Variants in SCFD2 observed in about 807,000 individuals in gnomAD.
SCFD2 encodes sec1 family domain containing 2, also known as sec1 family domain-containing protein 2.
In SCFD2, 54 loss-of-function variants were observed where a neutral mutation model predicts 58.9. The observed-to-expected ratio is 0.92, with a 90% confidence interval of 0.74 to 1.15. SCFD2 has a LOEUF of 1.15. Among genes scored for constraint, SCFD2 ranks in the 50% most tolerant of loss-of-function variants. The pLI is 0.00. For synonymous variants in SCFD2, 321 were observed against 335.9 expected (o/e 0.96, Z 0.49); for missense variants, 805 against 836.6 (o/e 0.96, Z 0.47).
intron 4 of SCFD2, among the ~76,000 whole-genome samples, chr4:53,185,552 A>C (rs1727711647): frequency 1.3e-5 from 2 of 152,110 alleles, no homozygotes; most frequent in African/African-American, 4.8e-5. Flanking sequence ...ACCAGCAACC[A>C]AGAGAAACCT....
At chr4:53,217,641 C>T (rs1728894097) in intron 4 of SCFD2, among the ~76,000 whole-genome samples, 1 of 152,184 alleles carries the variant, frequency 6.6e-6, no homozygotes, top group Non-Finnish European at 1.5e-5. Context: ...AGCCCATTTA[C>T]ATTTAAGGTT....
intron 5 of SCFD2, among the ~76,000 whole-genome samples, chr4:52,977,252 G>A (rs566172188): frequency 3.3e-5 from 5 of 152,242 alleles, no homozygotes; most frequent in Non-Finnish European, 5.9e-5. Context: ...GAATCATTAA[G>A]GTTCTGAAGA....
chr4:53,026,947 A>G (rs1188241302), intron 5 of SCFD2, among the ~76,000 whole-genome samples: 1 of 152,234 alleles, frequency 6.6e-6, no homozygotes, highest in Non-Finnish European at 1.5e-5. Flanking sequence ...CTCTGGCCAA[A>G]TGATATGTGT....
At chr4:53,337,543 C>T (rs1047601558) in intron 2 of SCFD2, among the ~76,000 whole-genome samples, 3 of 152,122 alleles carry the variant, frequency 2.0e-5, no homozygotes, top group Non-Finnish European at 2.9e-5. Context: ...TGTATCAACC[C>T]ATTTCTACTT....
intron 2 of SCFD2, among the ~76,000 whole-genome samples, chr4:53,327,954 C>A (rs1282508121): frequency 6.6e-6 from 1 of 152,000 alleles, no homozygotes; most frequent in African/African-American, 2.4e-5. Context: ...CACAGTGAAA[C>A]CCTGTCTCTA....
chr4:52,883,842 T>C (rs1428410790), intron 8 of SCFD2, among the ~76,000 whole-genome samples: 1 of 152,200 alleles, frequency 6.6e-6, no homozygotes, highest in Non-Finnish European at 1.5e-5. Flanking sequence ...TCATCAGCTA[T>C]GACCATAACA....
Position 53,185,313 on chromosome 4 carries a change from T to C in SCFD2, c.1312-39731A>G, listed in dbSNP as rs1191320699. On this transcript the variant is annotated intron_variant, in intron 4 of 8. Transcript: ENST00000401642. The stretch of plus-strand genomic sequence containing the variant: ...ATACTTGGCACCAGGAAACCAAGAA[T>C]GGCACCCTTGAAAATGCTGCTCTGA... Among the ~76,000 whole-genome samples, 4 of 152,236 alleles carry C rather than the reference T, an allele frequency of 2.6e-5. No individual in the cohort carries two copies. In the East Asian group the frequency reaches 5.8e-4, roughly 22 times the overall value.
intron 8 of SCFD2, among the ~76,000 whole-genome samples, chr4:52,879,457 G>A (rs146806736): frequency 6.6e-6 from 1 of 152,324 alleles, no homozygotes; most frequent in Non-Finnish European, 1.5e-5. Context: ...TTCTATCAAG[G>A]AATGTTTGAA....
At chr4:52,973,889 A>G (rs1721178944) in intron 5 of SCFD2, among the ~76,000 whole-genome samples, 2 of 152,348 alleles carry the variant, frequency 1.3e-5, no homozygotes, top group South Asian at 2.1e-4. Context: ...AATGTAATCC[A>G]GCATATAAAC....
intron 5 of SCFD2, among the ~76,000 whole-genome samples, chr4:52,982,790 A>C (rs1053267547): frequency 6.6e-6 from 1 of 152,216 alleles, no homozygotes; most frequent in African/African-American, 2.4e-5. Context: ...ATTACTCAGC[A>C]GACCTTTAAG....
At chr4:53,271,185 C>A (rs4864454) in intron 4 of SCFD2, among the ~76,000 whole-genome samples, 2 of 151,852 alleles carry the variant, frequency 1.3e-5, no homozygotes, top group Non-Finnish European at 2.9e-5. Flanking sequence ...CAGCCTTGAG[C>A]CTTACCTGCT....
intron 5 of SCFD2, among the ~76,000 whole-genome samples, chr4:53,138,763 G>A (rs1726016891): frequency 6.6e-6 from 1 of 152,178 alleles, no homozygotes; most frequent in Non-Finnish European, 1.5e-5. Flanking sequence ...TCAGAGATTT[G>A]TATTGCCTTT....
At position 52,971,218 on chromosome 4, in the gene SCFD2, C is replaced by T. The variant is rs188471134; in HGVS notation, c.1562-50348G>A. 6.9e-4 allele frequency among the ~76,000 whole-genome samples: 105 copies of T among 152,152 alleles called. 1 individual carries two copies. Among genetic ancestry groups the T allele is most frequent in the Admixed American group, 5.3e-3 (81 of 15,296 alleles). On this transcript the variant is annotated intron_variant, in intron 5 of 8. Coordinates refer to ENST00000401642, the MANE Select transcript of SCFD2 (RefSeq NM_152540.4). ...AAGGCTTCACAAGATCAAACTACTC[C>T]GAGCAAAAGGAGGAAGTTTGAACCC... is the stretch of plus-strand genomic sequence containing the variant.
At chr4:53,211,592 C>G (rs543040818) in intron 4 of SCFD2, among the ~76,000 whole-genome samples, 1 of 152,126 alleles carries the variant, frequency 6.6e-6, no homozygotes, top group East Asian at 1.9e-4. Flanking sequence ...GAGCCCTCAA[C>G]CTGTGGGATC....
intron 5 of SCFD2, among the ~76,000 whole-genome samples, chr4:52,972,465 C>T (rs951459678): frequency 2.0e-5 from 3 of 152,082 alleles, no homozygotes; most frequent in Admixed American, 1.3e-4. Flanking sequence ...AAGAAGAGCT[C>T]ACTATCCTAA....
intron 4 of SCFD2, among the ~76,000 whole-genome samples, chr4:53,238,564 TG>T (rs1729767253): frequency 7.1e-6 from 1 of 140,272 alleles, no homozygotes; most frequent in African/African-American, 2.7e-5. Context: ...ACTTCCCAGA[TG>T]GGGCGGCTGC....
chr4:53,126,357 C>T (rs1474094751), intron 5 of SCFD2, among the ~76,000 whole-genome samples: 1 of 152,198 alleles, frequency 6.6e-6, no homozygotes, highest in Non-Finnish European at 1.5e-5. Context: ...CAGAGTCTTG[C>T]TCTCTGGAAG....
chr4:52,955,219 G>A (rs1314362840), intron 5 of SCFD2, among the ~76,000 whole-genome samples: 1 of 152,158 alleles, frequency 6.6e-6, no homozygotes, highest in African/African-American at 2.4e-5. Flanking sequence ...AGGGCAGTGG[G>A]TTTTCAGAAC....
At chr4:53,165,496 G>A (rs553242068) in intron 4 of SCFD2, among the ~76,000 whole-genome samples, 1 of 151,966 alleles carries the variant, frequency 6.6e-6, no homozygotes, top group African/African-American at 2.4e-5. Context: ...GCACTGACTT[G>A]CACGACCCTA....
Sources: gnomAD v4.1 joint callset for allele counts (sites outside exome capture counted in the v4.1 genomes callset) on GRCh38, gnomAD v4.1.1 for gene constraint, MANE v1.5 for transcripts, NCBI Gene and HGNC (gene_info 2026-07-23, HGNC 2026-07-21) for gene names.